The following LRRTM4 variants were observed in gnomAD, a reference collection of about 807,000 sequenced individuals.
The protein encoded by LRRTM4 is leucine-rich repeat transmembrane neuronal protein 4.
A neutral mutation model predicts 47.6 loss-of-function variants in LRRTM4; 25 were observed. That is an observed-to-expected ratio of 0.53 (90% confidence interval 0.38 to 0.73). LRRTM4 has a LOEUF of 0.73. LRRTM4 is among the 30% of genes least tolerant of loss of function. The probability of loss-of-function intolerance (pLI) is 0.00; values close to 1 mark genes in which losing one functional copy is unlikely to be tolerated. For missense variants in LRRTM4, 638 were observed against 713.4 expected (o/e 0.89, Z 1.20); for synonymous variants, 311 against 269.5 (o/e 1.15, Z -1.51).
intron 3 of LRRTM4, among the ~76,000 whole-genome samples, chr2:77,374,634 C>T (rs562445019): frequency 6.6e-5 from 10 of 151,768 alleles, no homozygotes; most frequent in African/African-American, 1.4e-4. Context: ...TCCAGCAGAG[C>T]GATTACTTTC....
At chr2:77,007,827 A>G (rs761942390) in intron 3 of LRRTM4, among the ~76,000 whole-genome samples, 4 of 151,874 alleles carry the variant, frequency 2.6e-5, no homozygotes, top group Non-Finnish European at 4.4e-5. Context: ...TCCTGGAATC[A>G]GCTGCTGAGT....
chr2:77,362,175 A>AAAGAAAGAG (rs1558707517), intron 3 of LRRTM4, among the ~76,000 whole-genome samples: 2 of 151,746 alleles, frequency 1.3e-5, no homozygotes, highest in African/African-American at 4.9e-5. Context: ...GAAAGAAAGG[A>AAAGAAAGAG]AGGAAGGAAG....
intron 3 of LRRTM4, among the ~76,000 whole-genome samples, chr2:76,901,399 G>A (rs1033718374): frequency 3.3e-5 from 5 of 152,076 alleles, no homozygotes; most frequent in Admixed American, 6.6e-5. Context: ...TACTATGTCT[G>A]TATAGTATTC....
In LRRTM4 at chr2:77,190,839, G is replaced by C. The variant is rs574049044; in HGVS notation, c.1551+327479C>G. On this transcript the variant is annotated intron_variant, in intron 3 of 3. Coordinates refer to ENST00000409884, the MANE Select transcript of LRRTM4 (RefSeq NM_001134745.3). ...ATAATATATACATAAACTGTACTTA[G>C]CCTAATAAGTGTTATGTGGAGGAAT... Among the ~76,000 whole-genome samples the C allele has an allele frequency of 5.3e-5, 8 of 152,240 alleles. No homozygotes were observed. The East Asian group carries it at 1.5e-3, about 29-fold the overall frequency.
intron 3 of LRRTM4, among the ~76,000 whole-genome samples, chr2:76,767,109 A>G (rs964051763): frequency 3.3e-5 from 5 of 152,048 alleles, no homozygotes; most frequent in Non-Finnish European, 5.9e-5. Flanking sequence ...CCTCCCCTTA[A>G]CACTACTCCT....
chr2:76,968,349 TATATA>T (rs1343924507), intron 3 of LRRTM4, among the ~76,000 whole-genome samples: 1 of 91,226 alleles, frequency 1.1e-5, no homozygotes, highest in Non-Finnish European at 2.1e-5. Context: ...TGTATATATA[TATATA>T]TATATATATA....
chr2:76,813,861 T>C (rs1190062959), intron 3 of LRRTM4, among the ~76,000 whole-genome samples: 1 of 152,200 alleles, frequency 6.6e-6, no homozygotes. Context: ...CTTACATTAC[T>C]AATGCACTGG....
chr2:77,315,019 G>C (rs1485538818), intron 3 of LRRTM4, among the ~76,000 whole-genome samples: 1 of 152,116 alleles, frequency 6.6e-6, no homozygotes, highest in Non-Finnish European at 1.5e-5. Context: ...TAAGCTATGA[G>C]GCTCAGTAGG....
intron 3 of LRRTM4, among the ~76,000 whole-genome samples, chr2:77,129,968 T>A (rs754516287): frequency 2.6e-5 from 4 of 152,122 alleles, no homozygotes; most frequent in Non-Finnish European, 5.9e-5. Context: ...AAAACAAGCA[T>A]TTTTTTCTTG....
chr2:77,052,359 G>A (rs1573504402), intron 3 of LRRTM4, among the ~76,000 whole-genome samples: 1 of 151,510 alleles, frequency 6.6e-6, no homozygotes, highest in Admixed American at 6.6e-5. Flanking sequence ...TAGTAGAGAT[G>A]GGTTTCATCA....
intron 3 of LRRTM4, among the ~76,000 whole-genome samples, chr2:77,198,813 C>G (rs181902632): frequency 6.6e-6 from 1 of 152,178 alleles, no homozygotes; most frequent in African/African-American, 2.4e-5. Flanking sequence ...CTTAGGCAAA[C>G]AGAGCCAGAG....
intron 3 of LRRTM4, among the ~76,000 whole-genome samples, chr2:77,335,288 C>A (rs754146018): frequency 6.6e-5 from 10 of 152,154 alleles, no homozygotes; most frequent in Non-Finnish European, 1.3e-4. Context: ...AGATGCTGAA[C>A]AATCTGGTTC....
At chr2:76,773,748 A>G (rs533760514) in intron 3 of LRRTM4, among the ~76,000 whole-genome samples, 2 of 152,090 alleles carry the variant, frequency 1.3e-5, no homozygotes, top group East Asian at 3.9e-4. Context: ...AGATTTTAGG[A>G]AGAAGTAAAC....
At chr2:76,898,134 T>G (rs1442235525) in intron 3 of LRRTM4, among the ~76,000 whole-genome samples, 1 of 152,140 alleles carries the variant, frequency 6.6e-6, no homozygotes, top group African/African-American at 2.4e-5. Context: ...TGTTATACCC[T>G]TGTTTTTTTC....
At chr2:77,154,625 A>G (rs947850914) in intron 3 of LRRTM4, among the ~76,000 whole-genome samples, 3 of 152,300 alleles carry the variant, frequency 2.0e-5, no homozygotes, top group African/African-American at 7.2e-5. Flanking sequence ...CTCAGAATTT[A>G]CGCTGAGATG....
chr2:77,208,305 G>A (rs753313772), intron 3 of LRRTM4, among the ~76,000 whole-genome samples: 81 of 152,122 alleles, frequency 5.3e-4, no homozygotes, highest in African/African-American at 1.8e-3. Flanking sequence ...TCCCTTTCTC[G>A]CACACAGAAA....
At chr2:76,780,067 T>C (rs2104152579) in intron 3 of LRRTM4, among the ~76,000 whole-genome samples, 1 of 152,346 alleles carries the variant, frequency 6.6e-6, no homozygotes, top group African/African-American at 2.4e-5. Context: ...AATTCTTTTC[T>C]TTATGAATGT....
chr2:77,438,084 T>C (rs1675674388), intron 3 of LRRTM4, among the ~76,000 whole-genome samples: 1 of 152,150 alleles, frequency 6.6e-6, no homozygotes. Context: ...ATATTCTTAT[T>C]TCAGAGTCTA....
At chr2:77,186,196 G>T (rs1673501128) in intron 3 of LRRTM4, among the ~76,000 whole-genome samples, 1 of 152,108 alleles carries the variant, frequency 6.6e-6, no homozygotes, top group Non-Finnish European at 1.5e-5. Flanking sequence ...GCACATTCAA[G>T]TCTGTGCCCC....
Sources: gnomAD v4.1 joint callset for allele counts (sites outside exome capture counted in the v4.1 genomes callset) on GRCh38, gnomAD v4.1.1 for gene constraint, MANE v1.5 for transcripts, NCBI Gene and HGNC (gene_info 2026-07-23, HGNC 2026-07-21) for gene names.